Variants in NNT observed in about 807,000 individuals in gnomAD.
The protein encoded by NNT is nicotinamide nucleotide transhydrogenase, also known as NAD(P) transhydrogenase, mitochondrial.
NNT carries 50 observed loss-of-function variants against 104.8 expected under a neutral mutation model. The ratio of observed to expected loss-of-function variants is 0.48; its 90% CI spans 0.38 to 0.60. NNT has a LOEUF of 0.60. Ranked by LOEUF, NNT falls within the 20% of genes least tolerant of loss-of-function variation. NNT has a pLI of 0.00. For synonymous variants in NNT, 461 were observed against 490.4 expected (o/e 0.94, Z 0.79); for missense variants, 1,131 against 1,330.7 (o/e 0.85, Z 2.33).
chr5:43,653,306 C>T (rs1739864419), intron 14 of NNT, 93 bp downstream of exon 14: 1 of 1,203,144 alleles, frequency 8.3e-7, no homozygotes, highest in Non-Finnish European at 1.1e-6. Flanking sequence ...AAATTTTGTT[C>T]ATGGAAGTTG....
chr5:43,665,500 A>G (rs1740596268), intron 17 of NNT, among the ~76,000 whole-genome samples: 1 of 152,166 alleles, frequency 6.6e-6, no homozygotes, highest in Admixed American at 6.5e-5. Context: ...CCCTTAATCC[A>G]TTTAACCCTT....
intron 4 of NNT, among the ~76,000 whole-genome samples, chr5:43,617,547 C>T (rs753691043): frequency 3.3e-5 from 5 of 152,070 alleles, no homozygotes; most frequent in South Asian, 2.1e-4. Context: ...AATCATTATC[C>T]GTCTCATTCA....
At chr5:43,653,763 T>C (rs1490874934) in intron 14 of NNT, among the ~76,000 whole-genome samples, 1 of 151,988 alleles carries the variant, frequency 6.6e-6, no homozygotes, top group Non-Finnish European at 1.5e-5. Flanking sequence ...GAAACTGGCC[T>C]GGCCAACATG....
At position 43,700,161 on chromosome 5, in the gene NNT, T is replaced by G. The variant is rs1742774238; in HGVS notation, c.2919T>G (p.Leu973=). The change falls in exon 20 of 22, where the codon CTT becomes CTG. Residue 973 remains leucine, a synonymous_variant. Transcript: ENST00000344920. ...HPVAGRMPGQ[L]NVLLAEAGVP... ...TTGCAGGCCGAATGCCTGGTCAGCT[T>G]AATGTGCTGCTGGCTGAGGCTGGTG... The G allele has an allele frequency of 6.2e-7, 1 of 1,613,676 alleles. No individual in the cohort carries two copies. Among genetic ancestry groups the G allele is most frequent in the Admixed American group, 1.7e-5 (1 of 59,970 alleles).
At chr5:43,654,874 T>C (rs72760478) in intron 14 of NNT, among the ~76,000 whole-genome samples, 2,550 of 152,320 alleles carry the variant, frequency 0.017, 32 homozygotes, top group Middle Eastern at 0.062. Context: ...CTTGATAATC[T>C]CTGGGGAAAG....
intron 19 of NNT, among the ~76,000 whole-genome samples, chr5:43,679,072 T>G (rs1741570207): frequency 6.6e-6 from 1 of 152,202 alleles, no homozygotes; most frequent in African/African-American, 2.4e-5. Flanking sequence ...GAAAAGTCAT[T>G]GACTTTATTT....
At chr5:43,608,938 C>G (rs1163354337) in intron 1 of NNT, among the ~76,000 whole-genome samples, 1 of 152,060 alleles carries the variant, frequency 6.6e-6, no homozygotes, top group Non-Finnish European at 1.5e-5. Context: ...AAAATGGATT[C>G]CAAGTTTTAA....
chr5:43,615,823 A>T (rs766269159), intron 3 of NNT, 25 bp from the exon 4 acceptor site: 17 of 1,536,198 alleles, frequency 1.1e-5, no homozygotes, highest in Non-Finnish European at 1.5e-5. Context: ...TATATTTATA[A>T]TCTGTGACTT....
At chr5:43,687,584 T>C (rs1742052128) in intron 19 of NNT, among the ~76,000 whole-genome samples, 1 of 152,210 alleles carries the variant, frequency 6.6e-6, no homozygotes, top group Non-Finnish European at 1.5e-5. Flanking sequence ...TTGACTGTAT[T>C]CTGTTATTCT....
intron 19 of NNT, among the ~76,000 whole-genome samples, chr5:43,688,007 C>G (rs1248642364): frequency 6.6e-6 from 1 of 152,096 alleles, no homozygotes; most frequent in Non-Finnish European, 1.5e-5. Flanking sequence ...AAAGTAATCA[C>G]AACGTATATA....
intron 17 of NNT, among the ~76,000 whole-genome samples, chr5:43,669,035 T>A (rs1452694355): frequency 6.6e-6 from 1 of 152,188 alleles, no homozygotes; most frequent in African/African-American, 2.4e-5. Flanking sequence ...TTATTCTCTT[T>A]GAAGCAATTG....
At chr5:43,614,946 G>T (rs574430200) in intron 3 of NNT, among the ~76,000 whole-genome samples, 41 of 151,662 alleles carry the variant, frequency 2.7e-4, no homozygotes, top group African/African-American at 9.0e-4. Context: ...GACCATCCTG[G>T]CTAACAAGGT....
In NNT at chr5:43,604,164, G is replaced by A. The variant is rs117924561; in HGVS notation, c.-54+870G>A. Among the ~76,000 whole-genome samples, 119 of 152,218 alleles carry A rather than the reference G, an allele frequency of 7.8e-4. 3 individuals are homozygous for A. The East Asian group carries it at 0.022, about 28-fold the overall frequency. ...TATTGTGTCCTTGCTGGTATGTCTC[G>A]CTTTTAAAAGCGTGACTTGTTTATG... On this transcript the variant is annotated intron_variant, in intron 1 of 21. Transcript: ENST00000344920.
chr5:43,705,146 C>T lies in NNT; in HGVS notation c.*742C>T, dbSNP rs1028424046. 4.6e-5 allele frequency: 7 copies of T among 152,152 alleles called. No homozygotes were observed. Among genetic ancestry groups the T allele is most frequent in the Middle Eastern group, 3.4e-3 (1 of 294 alleles). 9.4% of individuals were successfully genotyped at this position (152,152 alleles called of 1,614,324 possible). On this transcript the variant is annotated 3_prime_UTR_variant, in exon 22 of 22. Coordinates refer to ENST00000344920, the MANE Select transcript of NNT (RefSeq NM_182977.3). ...TTCTAATTGGAGATCTCTTTAATTTCGATCAACTTATAATGTGTAGTACTA... is the reference window on the plus strand; with the variant it reads ...TTCTAATTGGAGATCTCTTTAATTTTGATCAACTTATAATGTGTAGTACTA...
At chr5:43,605,508 G>A (rs1749165921) in intron 1 of NNT, among the ~76,000 whole-genome samples, 1 of 115,848 alleles carries the variant, frequency 8.6e-6, no homozygotes, top group South Asian at 3.0e-4. Flanking sequence ...GGGCGACAGA[G>A]CGAGACTCCG....
intron 6 of NNT, 72 bp from the exon 7 acceptor site, chr5:43,628,128 T>C (rs1750463205): frequency 1.7e-6 from 2 of 1,172,230 alleles, no homozygotes; most frequent in African/African-American, 1.6e-5. Flanking sequence ...AAAAGGTATA[T>C]GTAAATGATG....
intron 17 of NNT, among the ~76,000 whole-genome samples, chr5:43,668,505 C>T (rs1374347580): frequency 2.6e-5 from 4 of 152,116 alleles, no homozygotes. Context: ...TATGTCTAGC[C>T]AGTTTTCCCA....
chr5:43,655,711 T>A (rs1740005899), intron 14 of NNT, 129 bp from the exon 15 acceptor site: 3 of 683,992 alleles, frequency 4.4e-6, no homozygotes, highest in Admixed American at 4.8e-5. Flanking sequence ...GTAGAGAATA[T>A]TTAGCCCGTA....
chr5:43,641,236 G>A (rs952626338), intron 7 of NNT, among the ~76,000 whole-genome samples: 1 of 151,732 alleles, frequency 6.6e-6, no homozygotes, highest in African/African-American at 2.4e-5. Flanking sequence ...ATTCTTTTGG[G>A]GTTTTGCTTA....
Sources: gnomAD v4.1 joint callset for allele counts (sites outside exome capture counted in the v4.1 genomes callset) on GRCh38, gnomAD v4.1.1 for gene constraint, MANE v1.5 for transcripts, NCBI Gene and HGNC (gene_info 2026-07-23, HGNC 2026-07-21) for gene names.